The following ACKR3 variants were observed in gnomAD, a reference collection of about 807,000 sequenced individuals.
The protein encoded by ACKR3 is C-X-C chemokine receptor type 7.
In ACKR3, 6 loss-of-function variants were observed where a neutral mutation model predicts 22.4. The ratio of observed to expected loss-of-function variants is 0.27; its 90% CI spans 0.15 to 0.53. The LOEUF (loss-of-function observed/expected upper bound fraction) is 0.53, where lower values mean the gene tolerates loss of function less well. Among genes scored for constraint, ACKR3 ranks in the 20% least tolerant of loss-of-function variants. ACKR3 has a pLI of 0.96. For missense variants in ACKR3, 396 were observed against 475.2 expected, an observed-to-expected ratio of 0.83 and a Z score of 1.55; for synonymous variants, 209 against 205.2, an observed-to-expected ratio of 1.02 and a Z score of -0.16.
At chr2:236,549,406 A>G in the ACKR3 span, among the ~76,000 whole-genome samples, 6 of 152,126 alleles carry the variant, frequency 3.9e-5, no homozygotes, top group Non-Finnish European at 7.4e-5. The surrounding 1 kb of genome is among the most constrained non-coding windows in gnomAD (Gnocchi z 5.3). Flanking sequence ...GGTATCCTGC[A>G]TTCCTCCTTA....
chr2:236,548,260 T>C, the ACKR3 span, among the ~76,000 whole-genome samples: 1 of 152,196 alleles, frequency 6.6e-6, no homozygotes, highest in African/African-American at 2.4e-5. The surrounding 1 kb of genome is among the most constrained non-coding windows in gnomAD (Gnocchi z 4.3). Flanking sequence ...TGATCAGTGG[T>C]ATTCAGGGAA....
the ACKR3 span, among the ~76,000 whole-genome samples, chr2:236,557,380 T>C: frequency 1.2e-4 from 19 of 152,088 alleles, no homozygotes; most frequent in East Asian, 1.7e-3. Context: ...TCTTGGCTTC[T>C]AAATCTTGTT....
the ACKR3 span, among the ~76,000 whole-genome samples, chr2:236,551,173 G>C: frequency 7.2e-5 from 11 of 152,244 alleles, no homozygotes; most frequent in Non-Finnish European, 1.5e-4. Context: ...ACCAGGAGAA[G>C]TGGAAGCTTG....
chr2:236,539,306 CT>C, the ACKR3 span, among the ~76,000 whole-genome samples: 429 of 120,732 alleles, frequency 3.6e-3, no homozygotes, highest in East Asian at 8.9e-3. Context: ...TTTTTCTTTT[CT>C]TTTTTTTTTT....
At chr2:236,540,475 A>G in the ACKR3 span, among the ~76,000 whole-genome samples, 1 of 151,452 alleles carries the variant, frequency 6.6e-6, no homozygotes, top group South Asian at 2.1e-4. Flanking sequence ...CTTCATTTTT[A>G]TAGGTGTCTT....
chr2:236,546,647 C>A, the ACKR3 span, among the ~76,000 whole-genome samples: 2 of 152,184 alleles, frequency 1.3e-5, no homozygotes, highest in African/African-American at 2.4e-5. This position sits in a 1 kb window ranked among gnomAD's most constrained non-coding sequence, Gnocchi z 4.9. Context: ...GGTTGGAGAA[C>A]CTGGGCAGCA....
chr2:236,543,802 A>T, the ACKR3 span, among the ~76,000 whole-genome samples: 3 of 151,952 alleles, frequency 2.0e-5, no homozygotes, highest in African/African-American at 7.2e-5. Context: ...GCAGGAGAAG[A>T]TTCAGCATCC....
chr2:236,551,216 G>A, the ACKR3 span, among the ~76,000 whole-genome samples: 34,082 of 152,062 alleles, frequency 0.22, 5,376 homozygotes, highest in African/African-American at 0.45. Context: ...CCGGTGCTCC[G>A]GGCTCTGCAT....
the ACKR3 span, among the ~76,000 whole-genome samples, chr2:236,557,941 C>CACAT: frequency 6.6e-6 from 1 of 152,154 alleles, no homozygotes; most frequent in Non-Finnish European, 1.5e-5. Context: ...AAATAATCAA[C>CACAT]CTGTTATGTT....
intron 1 of ACKR3, among the ~76,000 whole-genome samples, chr2:236,578,607 C>T (rs1253697757): frequency 1.3e-5 from 2 of 152,228 alleles, no homozygotes; most frequent in African/African-American, 4.8e-5. Context: ...CATTTACATC[C>T]CGCAGAGGGA....
chr2:236,578,143 G>T (rs1251844975), intron 1 of ACKR3, among the ~76,000 whole-genome samples: 4 of 152,244 alleles, frequency 2.6e-5, no homozygotes, highest in Non-Finnish European at 5.9e-5. Context: ...GTCAGCTCTG[G>T]GTCATTTGGT....
At chr2:236,543,439 G>T in the ACKR3 span, among the ~76,000 whole-genome samples, 1 of 152,196 alleles carries the variant, frequency 6.6e-6, no homozygotes, top group East Asian at 1.9e-4. Flanking sequence ...GAAGAAAACA[G>T]GCAGCTTTAT....
At chr2:236,556,546 C>A in the ACKR3 span, among the ~76,000 whole-genome samples, 1 of 152,104 alleles carries the variant, frequency 6.6e-6, no homozygotes, top group Non-Finnish European at 1.5e-5. Context: ...GGGGCCCAAG[C>A]CACAGAATGC....
At chr2:236,543,385 C>T in the ACKR3 span, among the ~76,000 whole-genome samples, 1 of 152,124 alleles carries the variant, frequency 6.6e-6, no homozygotes, top group Admixed American at 6.5e-5. Flanking sequence ...AAAATGACTG[C>T]TATGTTCCAA....
At chr2:236,546,662 G>A in the ACKR3 span, among the ~76,000 whole-genome samples, 7 of 152,324 alleles carry the variant, frequency 4.6e-5, no homozygotes, top group South Asian at 1.0e-3. The surrounding 1 kb of genome is among the most constrained non-coding windows in gnomAD (Gnocchi z 4.9). Flanking sequence ...GCAGCAGAGA[G>A]TGCGCAGAGC....
At chr2:236,578,693 G>A (rs968360218) in intron 1 of ACKR3, among the ~76,000 whole-genome samples, 3 of 152,240 alleles carry the variant, frequency 2.0e-5, no homozygotes, top group Non-Finnish European at 4.4e-5. Flanking sequence ...TGGAGGCTGT[G>A]GAGCCGAGGC....
At chr2:236,545,930 G>T in the ACKR3 span, among the ~76,000 whole-genome samples, 1 of 152,206 alleles carries the variant, frequency 6.6e-6, no homozygotes, top group Non-Finnish European at 1.5e-5. The surrounding 1 kb of genome is among the most constrained non-coding windows in gnomAD (Gnocchi z 5.3). Flanking sequence ...TTTAAAGTCT[G>T]CGAGAAAGGA....
At chr2:236,572,629 G>A (rs553495282) in intron 1 of ACKR3, among the ~76,000 whole-genome samples, 44 of 152,308 alleles carry the variant, frequency 2.9e-4, no homozygotes, top group African/African-American at 9.6e-4. Context: ...CCACTGCCTC[G>A]TCCTAGTCCT....
intron 1 of ACKR3, among the ~76,000 whole-genome samples, chr2:236,575,236 A>G (rs1048314349): frequency 1.3e-5 from 2 of 152,162 alleles, no homozygotes; most frequent in African/African-American, 4.8e-5. Flanking sequence ...TAAAAACTAC[A>G]AGTCTCCTTT....
Sources: allele counts gnomAD v4.1 joint callset (sites outside exome capture counted in the v4.1 genomes callset), GRCh38; gene constraint gnomAD v4.1.1; non-coding constraint Gnocchi (gnomAD v3.1); transcripts MANE v1.5; gene names NCBI Gene and HGNC (gene_info 2026-07-23, HGNC 2026-07-21).